The following SDK1 variants were observed in gnomAD, a reference collection of about 807,000 sequenced individuals.
The protein encoded by SDK1 is sidekick cell adhesion molecule 1.
In SDK1, 157 loss-of-function variants were observed where a neutral mutation model predicts 245.5. That is an observed-to-expected ratio of 0.64 (90% confidence interval 0.56 to 0.73). The LOEUF is 0.73. Ranked by LOEUF, SDK1 falls within the 30% of genes least tolerant of loss-of-function variation. The probability of loss-of-function intolerance (pLI) is 0.00; values close to 1 mark genes in which losing one functional copy is unlikely to be tolerated. For synonymous variants in SDK1, 1,647 were observed against 1,278.5 expected (o/e 1.29, Z -6.15); for missense variants, 3,583 against 3,002.3 (o/e 1.19, Z -4.52).
intron 30 of SDK1, among the ~76,000 whole-genome samples, chr7:4,150,117 A>G (rs536400715): frequency 1.3e-5 from 2 of 152,196 alleles, no homozygotes; most frequent in East Asian, 3.9e-4. Flanking sequence ...CTTTACAGAC[A>G]AGGAAACTGC....
intron 5 of SDK1, among the ~76,000 whole-genome samples, chr7:3,949,647 G>C (rs192342716): frequency 1.2e-3 from 179 of 152,244 alleles, no homozygotes; most frequent in African/African-American, 4.3e-3. Context: ...ATGTTGGATT[G>C]GTCTTCATTT....
At chr7:3,865,548 G>T (rs143090114) in intron 5 of SDK1, among the ~76,000 whole-genome samples, 1 of 152,062 alleles carries the variant, frequency 6.6e-6, no homozygotes, top group Admixed American at 6.5e-5. Flanking sequence ...TCGCTCTGTC[G>T]CCCAGGTTGG....
intron 18 of SDK1, among the ~76,000 whole-genome samples, chr7:4,050,655 A>G (rs1326713153): frequency 1.3e-5 from 2 of 152,148 alleles, no homozygotes; most frequent in African/African-American, 4.8e-5. Flanking sequence ...TTAAAATTGT[A>G]AGCAGTCTCC....
At chr7:3,430,996 G>A (rs978074299) in intron 1 of SDK1, among the ~76,000 whole-genome samples, 1 of 152,156 alleles carries the variant, frequency 6.6e-6, no homozygotes, top group African/African-American at 2.4e-5. Flanking sequence ...CGCCTCTCGG[G>A]TTCAAGTGAT....
chr7:4,109,986 G>A (rs1282097903), intron 22 of SDK1, among the ~76,000 whole-genome samples: 1 of 152,196 alleles, frequency 6.6e-6, no homozygotes, highest in Non-Finnish European at 1.5e-5. Flanking sequence ...AGGGCACCCT[G>A]CAGGCATCGC....
intron 4 of SDK1, among the ~76,000 whole-genome samples, chr7:3,816,314 T>C (rs965784547): frequency 6.6e-6 from 1 of 151,262 alleles, no homozygotes; most frequent in African/African-American, 2.4e-5. Flanking sequence ...GGAGCTGGTT[T>C]TTTGAAAGGA....
intron 5 of SDK1, among the ~76,000 whole-genome samples, chr7:3,831,428 C>T (rs1020899900): frequency 6.6e-6 from 1 of 152,158 alleles, no homozygotes; most frequent in Admixed American, 6.5e-5. Flanking sequence ...ATTTCCCTTC[C>T]TTCAGAATTC....
At chr7:3,614,079 A>G (rs1781687799) in intron 1 of SDK1, among the ~76,000 whole-genome samples, 2 of 152,132 alleles carry the variant, frequency 1.3e-5, no homozygotes, top group South Asian at 2.1e-4. Context: ...CCATAGCACA[A>G]GTTTACCTAT....
chr7:3,604,382 AT>A (rs1453755749), intron 1 of SDK1, among the ~76,000 whole-genome samples: 2 of 151,678 alleles, frequency 1.3e-5, no homozygotes, highest in South Asian at 2.1e-4. Flanking sequence ...CCTTAAATTT[AT>A]TTTCACTTTC....
chr7:3,852,865 T>A (rs1780453424), intron 5 of SDK1, among the ~76,000 whole-genome samples: 1 of 152,026 alleles, frequency 6.6e-6, no homozygotes, highest in African/African-American at 2.4e-5. Flanking sequence ...AAATTCCATG[T>A]ACTTTTGCCA....
chr7:3,536,559 T>G (rs957301681), intron 1 of SDK1, among the ~76,000 whole-genome samples: 2 of 151,998 alleles, frequency 1.3e-5, no homozygotes, highest in East Asian at 3.9e-4. Context: ...CCAGGCATGG[T>G]GGCTCACCCC....
At chr7:3,671,956 A>G (rs141052749) in intron 4 of SDK1, among the ~76,000 whole-genome samples, 25 of 152,278 alleles carry the variant, frequency 1.6e-4, no homozygotes, top group South Asian at 4.1e-4. Context: ...TCCCTTTACA[A>G]CTGATCCATG....
intron 1 of SDK1, among the ~76,000 whole-genome samples, chr7:3,547,640 C>T (rs1317238868): frequency 1.3e-5 from 2 of 152,184 alleles, no homozygotes. Context: ...CATGCTTGTC[C>T]ATGATACTAC....
rs1779365165 is a variant in SDK1 at position 3,810,808 on chromosome 7, ATT to A, written c.714-10639_714-10638del. Among the ~76,000 whole-genome samples the A allele has an allele frequency of 2.6e-5, 4 of 152,186 alleles. No individual in the cohort carries two copies. The South Asian group carries it at 8.3e-4, about 32-fold the overall frequency. The stretch of plus-strand genomic sequence containing the variant: ...CCAGCACTAAAGTCTTGTAAAGTGG[ATT>A]TTAACGTTCGTGGCATCTGGGTGGA... On this transcript the variant is annotated intron_variant, in intron 4 of 44. Transcript: ENST00000404826.
At chr7:4,059,447 C>G (rs1779397857) in intron 19 of SDK1, among the ~76,000 whole-genome samples, 1 of 152,122 alleles carries the variant, frequency 6.6e-6, no homozygotes, top group African/African-American at 2.4e-5. Flanking sequence ...ATATATAAAG[C>G]AAATATTATT....
intron 1 of SDK1, among the ~76,000 whole-genome samples, chr7:3,383,076 C>A (rs1025817689): frequency 6.6e-6 from 1 of 152,136 alleles, no homozygotes; most frequent in East Asian, 1.9e-4. Context: ...TGAATTCTTG[C>A]ATTTCCGCTA....
intron 1 of SDK1, among the ~76,000 whole-genome samples, chr7:3,495,834 C>G (rs1782009328): frequency 6.6e-6 from 1 of 152,162 alleles, no homozygotes; most frequent in South Asian, 2.1e-4. Flanking sequence ...CTGGGTGCTC[C>G]TACAAAACGC....
At chr7:3,481,454 A>C (rs935510608) in intron 1 of SDK1, among the ~76,000 whole-genome samples, 1 of 152,238 alleles carries the variant, frequency 6.6e-6, no homozygotes, top group Non-Finnish European at 1.5e-5. Context: ...TGCCCTCTAC[A>C]CGCTGTTCTG....
intron 13 of SDK1, among the ~76,000 whole-genome samples, chr7:3,974,917 C>T (rs1782793886): frequency 6.6e-6 from 1 of 152,168 alleles, no homozygotes; most frequent in African/African-American, 2.4e-5. Context: ...ATGAGAGATG[C>T]TGGAGTGGGA....
Sources: allele counts gnomAD v4.1 joint callset (sites outside exome capture counted in the v4.1 genomes callset), GRCh38; gene constraint gnomAD v4.1.1; transcripts MANE v1.5; gene names NCBI Gene and HGNC (gene_info 2026-07-23, HGNC 2026-07-21).